SYNE2: variants seen among roughly 807,000 people sequenced by gnomAD.
The protein encoded by SYNE2 is spectrin repeat containing nuclear envelope protein 2.
A neutral mutation model predicts 856.3 loss-of-function variants in SYNE2; 431 were observed. The observed-to-expected ratio is 0.50, with a 90% confidence interval of 0.47 to 0.55. The LOEUF (loss-of-function observed/expected upper bound fraction) is 0.55. Ranked by LOEUF, SYNE2 falls within the 20% of genes least tolerant of loss-of-function variation. The pLI, the probability that SYNE2 is intolerant of heterozygous loss-of-function variation, is 0.00. For missense variants in SYNE2, 8,129 were observed against 8,023.2 expected (o/e 1.01, Z -0.50); for synonymous variants, 2,923 against 2,872.3 (o/e 1.02, Z -0.56).
intron 45 of SYNE2, 48 bp downstream of exon 45, chr14:64,031,405 G>A: frequency 6.5e-7 from 1 of 1,548,924 alleles, no homozygotes; most frequent in South Asian, 1.1e-5. Context: ...TGAGAATGAA[G>A]AGGTATTTGG....
At chr14:63,833,827 C>G (rs1188953504) in intron 1 of SYNE2, among the ~76,000 whole-genome samples, 2 of 151,918 alleles carry the variant, frequency 1.3e-5, no homozygotes, top group Non-Finnish European at 2.9e-5. Context: ...CATTGTAATG[C>G]TTTTTTTAAC....
chr14:63,960,581 A>G (rs2096297509), intron 8 of SYNE2, among the ~76,000 whole-genome samples: 1 of 152,046 alleles, frequency 6.6e-6, no homozygotes, highest in African/African-American at 2.4e-5. Context: ...TTTAAGTTTA[A>G]CTTAATTAAT....
intron 87 of SYNE2, 146 bp from the exon 88 acceptor site, chr14:64,161,926 G>T (rs930535030): frequency 1.3e-4 from 109 of 814,330 alleles, no homozygotes; most frequent in Non-Finnish European, 1.6e-4. Flanking sequence ...TTCTATAATG[G>T]TGATGCCACT....
chr14:64,021,944 T>C lies in SYNE2; in HGVS notation c.5440T>C (p.Leu1814=), dbSNP rs748516528. The C allele has an allele frequency of 1.2e-6, 2 of 1,613,948 alleles. No individual in the cohort carries two copies. The highest frequency in any genetic ancestry group is 2.2e-5 in the East Asian group (1 of 44,812). ...IGCLTPELSE[L]KKQYESVSDL... Reference sequence around the variant, plus strand: ...TTGTCTGACTCCTGAACTCTCTGAATTGAAAAAGCAATATGAAAGTGTCAG... The same window carrying C: ...TTGTCTGACTCCTGAACTCTCTGAACTGAAAAAGCAATATGAAAGTGTCAG... Residue 1814 remains leucine (L), a synonymous_variant, in exon 37 of 116, where the codon TTG becomes CTG. Coordinates refer to ENST00000555002, the MANE Select transcript of SYNE2 (RefSeq NM_182914.3).
intron 1 of SYNE2, among the ~76,000 whole-genome samples, chr14:63,834,288 G>A (rs942705036): frequency 3.9e-5 from 6 of 151,938 alleles, no homozygotes; most frequent in East Asian, 3.9e-4. Flanking sequence ...GCTTGATTCC[G>A]GGAGGCAGAG....
At chr14:63,971,611 A>G (rs577567166) in intron 11 of SYNE2, among the ~76,000 whole-genome samples, 16 of 150,358 alleles carry the variant, frequency 1.1e-4, no homozygotes, top group Non-Finnish European at 1.8e-4. Context: ...ACAACCATAT[A>G]TTTTAAGGAA....
At chr14:64,049,581 T>C (rs776931554) in intron 46 of SYNE2, 30 bp from the exon 47 acceptor site, 1 of 1,611,580 alleles carries the variant, frequency 6.2e-7, no homozygotes, top group Admixed American at 1.7e-5. Context: ...AGTGAGTGTT[T>C]ATTGACTGAT....
chr14:64,110,095 T>C (rs2097794774), intron 65 of SYNE2, among the ~76,000 whole-genome samples: 1 of 152,184 alleles, frequency 6.6e-6, no homozygotes, highest in Non-Finnish European at 1.5e-5. Context: ...ACTTTAGGTA[T>C]GCAGTTTTAC....
In SYNE2 at chr14:64,020,032, C is replaced by T. The variant is rs768393141; in HGVS notation, c.5090C>T (p.Ser1697Phe). The T allele has an allele frequency of 1.2e-5, 20 of 1,613,766 alleles. No homozygotes were observed. The highest frequency in any genetic ancestry group is 1.6e-5 in the Non-Finnish European group (19 of 1,179,818). Residue 1697 changes from serine to phenylalanine, a missense_variant, in exon 35 of 116, where the codon TCT becomes TTT. Physicochemically the swap from Ser to Phe is radical, Grantham distance 155. Around this residue, in one of 3 missense-constraint regions of SYNE2, gnomAD observed 2,422 missense variants for 2,357.4 expected, o/e 1.03. Coordinates refer to ENST00000555002, the MANE Select transcript of SYNE2 (RefSeq NM_182914.3). ...QVHEQKTSEF[S>F]RRVAEIQFLL... ...CATGAACAAAAAACTTCAGAATTTT[C>T]TAGAAGAGTGGCTGAAATACAGTTT... is the stretch of plus-strand genomic sequence containing the variant.
rs547194305 is a variant in SYNE2 at position 63,856,332 on chromosome 14, C to T, written c.-52+3189C>T. On this transcript the variant is annotated intron_variant, in intron 1 of 115. Transcript: ENST00000555002. ...AGATTATGCAGTAGGTGAGTGGCAGCGCCTAGAATACAAAGCCAGGCTCGC... is the reference window on the plus strand; with the variant it reads ...AGATTATGCAGTAGGTGAGTGGCAGTGCCTAGAATACAAAGCCAGGCTCGC... 7.2e-5 allele frequency among the ~76,000 whole-genome samples: 11 copies of T among 152,324 alleles called. No individual in the cohort carries two copies. In the South Asian group the frequency reaches 8.3e-4, roughly 11 times the overall value.
chr14:64,004,638 C>G (rs1007320475), intron 30 of SYNE2, among the ~76,000 whole-genome samples: 5 of 152,024 alleles, frequency 3.3e-5, no homozygotes, highest in South Asian at 4.1e-4. Flanking sequence ...CCTCTTCCCC[C>G]CTTTCTAAAT....
Position 64,175,042 on chromosome 14 carries a change from G to T in SYNE2, c.17334G>T (p.Glu5778Asp), listed in dbSNP as rs1349823978. ...LLLTTDLKTKESVGRRISQLQ... is the reference protein window; with the variant it reads ...LLLTTDLKTKDSVGRRISQLQ... ...TCACAACTGACCTGAAAACTAAAGA[G>T]TCTGTGGGTAGGAGAATCAGTCAAC... The change falls in exon 95 of 116, where the codon GAG becomes GAT. Residue 5778 changes from glutamate (E) to aspartate (D), a missense_variant. Glu to Asp is a conservative substitution (Grantham distance 45, BLOSUM62 2). Transcript: ENST00000555002. The T allele has an allele frequency of 6.8e-6, 11 of 1,614,084 alleles. No homozygotes were observed. The highest frequency in any genetic ancestry group is 9.3e-6 in the Non-Finnish European group (11 of 1,180,042).
intron 58 of SYNE2, among the ~76,000 whole-genome samples, chr14:64,088,556 A>T (rs2097581325): frequency 6.6e-6 from 1 of 152,216 alleles, no homozygotes; most frequent in Admixed American, 6.5e-5. Flanking sequence ...GGATAATGTG[A>T]GCACAGGAGT....
Position 64,120,994 on chromosome 14 carries a change from C to T in SYNE2, c.13091C>T (p.Ser4364Phe). 1 of 1,614,172 alleles carries T rather than the reference C, an allele frequency of 6.2e-7. No individual in the cohort carries two copies. Among genetic ancestry groups the T allele is most frequent in the South Asian group, 1.1e-5 (1 of 91,078 alleles). The change falls in exon 68 of 116, where the codon TCT becomes TTT. Residue 4364 changes from serine to phenylalanine, a missense_variant. Around this residue, in one of 3 missense-constraint regions of SYNE2, gnomAD observed 5,410 missense variants for 5,284.8 expected, o/e 1.02. Coordinates refer to ENST00000555002, the MANE Select transcript of SYNE2 (RefSeq NM_182914.3). ...HQEALQPVNL[S>F]ELESIVTERP... ...GAAGCTCTCCAACCAGTTAACCTTTCTGAATTGGAATCCATTGTAACTGAA... is the reference window on the plus strand; with the variant it reads ...GAAGCTCTCCAACCAGTTAACCTTTTTGAATTGGAATCCATTGTAACTGAA...
At chr14:64,182,433 G>A (rs1027402654) in intron 96 of SYNE2, among the ~76,000 whole-genome samples, 12 of 151,666 alleles carry the variant, frequency 7.9e-5, no homozygotes, top group Admixed American at 3.3e-4. Flanking sequence ...GGTGTTTCTC[G>A]CAGAGGGGGA....
intron 79 of SYNE2, among the ~76,000 whole-genome samples, chr14:64,139,472 C>T (rs1171692220): frequency 2.6e-5 from 4 of 151,592 alleles, no homozygotes; most frequent in South Asian, 2.1e-4. Context: ...AGTACAGTGG[C>T]GCAATCTCGG....
At chr14:64,060,713 G>A (rs987143520) in intron 49 of SYNE2, among the ~76,000 whole-genome samples, 1 of 151,926 alleles carries the variant, frequency 6.6e-6, no homozygotes, top group Non-Finnish European at 1.5e-5. Flanking sequence ...ACAGCACTAG[G>A]ACTTACCTAG....
At position 64,158,617 on chromosome 14, in the gene SYNE2, T is replaced by C. The variant is rs2153711312; in HGVS notation, c.15793-8T>C. On this transcript the variant is annotated splice_region_variant and splice_polypyrimidine_tract_variant and intron_variant, in intron 85 of 115. Coordinates refer to ENST00000555002, the MANE Select transcript of SYNE2 (RefSeq NM_182914.3). ...TTCTAAATCAGTACGTTTCCACTTTTTGTCTAGGTCAATCAGCTCAAAACC... is the reference window on the plus strand; with the variant it reads ...TTCTAAATCAGTACGTTTCCACTTTCTGTCTAGGTCAATCAGCTCAAAACC... 3 of 1,613,826 alleles carry C rather than the reference T, an allele frequency of 1.9e-6. No homozygotes were observed. The South Asian group carries it at 3.3e-5, about 18-fold the overall frequency.
intron 30 of SYNE2, among the ~76,000 whole-genome samples, chr14:64,006,689 G>T (rs61984111): frequency 6.6e-6 from 1 of 152,114 alleles, no homozygotes; most frequent in Admixed American, 6.5e-5. Context: ...TTAGCCAGGC[G>T]TGGTGGTTCG....
Sources: allele counts gnomAD v4.1 joint callset (sites outside exome capture counted in the v4.1 genomes callset), GRCh38; gene constraint gnomAD v4.1.1; regional missense constraint gnomAD v4.1.1; transcripts MANE v1.5; gene names NCBI Gene and HGNC (gene_info 2026-07-23, HGNC 2026-07-21).